Variants in ZNF268 observed in about 807,000 individuals in gnomAD.
ZNF268 encodes zinc finger protein 3.
ZNF268 carries 20 observed loss-of-function variants against 29.3 expected under a neutral mutation model. The ratio of observed to expected loss-of-function variants is 0.68; its 90% CI spans 0.48 to 0.99. The LOEUF is 0.99. ZNF268 is among the 50% of genes least tolerant of loss of function. ZNF268 has a pLI of 0.00. For synonymous variants in ZNF268, 429 were observed against 376.9 expected (o/e 1.14, Z -1.60); for missense variants, 1,240 against 1,121.6 (o/e 1.11, Z -1.51).
intron 3 of ZNF268, among the ~76,000 whole-genome samples, chr12:133,188,795 C>A (rs997735700): frequency 6.6e-6 from 1 of 152,048 alleles, no homozygotes; most frequent in Non-Finnish European, 1.5e-5. Flanking sequence ...TACTATGAAG[C>A]CTATATTCAA....
rs752486821 is a variant in ZNF268 at position 133,212,106 on chromosome 12, G to C, written c.*7576G>C. 1 of 152,184 alleles carries C rather than the reference G, an allele frequency of 6.6e-6. No homozygotes were observed. The highest frequency in any genetic ancestry group is 1.5e-5 in the Non-Finnish European group (1 of 68,032). 9.4% of individuals were successfully genotyped at this position (152,184 alleles called of 1,614,324 possible). A position where few individuals can be genotyped will look rare whatever the true frequency, so the allele number is the denominator to read the frequency against. ...GATAGGCATATTGCTAAGTGAAAGA[G>C]ACCAGTGTGAAAAGGCTGTATGATC... On this transcript the variant is annotated 3_prime_UTR_variant, in exon 6 of 6. Coordinates refer to ENST00000536435, the MANE Select transcript of ZNF268 (RefSeq NM_003415.3).
rs566604059 is a variant in ZNF268 at position 133,181,697 on chromosome 12, C to A, written c.-53+11C>A. 2.5e-6 allele frequency: 1 copy of A among 393,988 alleles called. No homozygotes were observed. The highest frequency in any genetic ancestry group is 4.6e-6 in the Non-Finnish European group (1 of 215,154). 24.4% of individuals were successfully genotyped at this position (393,988 alleles called of 1,614,324 possible). ...TTGGAGGAGCCGGAGGTGCGGAATT[C>A]CTCCGGTTTCAAGGCGGCGGGACGG... On this transcript the variant is annotated intron_variant, in intron 1 of 5. Coordinates refer to ENST00000536435, the MANE Select transcript of ZNF268 (RefSeq NM_003415.3).
At chr12:133,199,428 T>A (rs1438783149) in intron 5 of ZNF268, among the ~76,000 whole-genome samples, 1 of 150,960 alleles carries the variant, frequency 6.6e-6, no homozygotes, top group Non-Finnish European at 1.5e-5. Context: ...TGCTGCTGGA[T>A]TCGGTTTGCC....
rs746666350 is a variant in ZNF268 at position 133,210,339 on chromosome 12, TG to T, written c.*5811del. 1.2e-4 allele frequency: 19 copies of T among 160,342 alleles called. No homozygotes were observed. The highest frequency in any genetic ancestry group is 1.0e-3 in the South Asian group (6 of 5,716). The allele number at this position is 160,342 out of a possible 1,614,324, so 9.9% of individuals were successfully genotyped here. On this transcript the variant is annotated 3_prime_UTR_variant, in exon 6 of 6. Transcript: ENST00000536435. ...GAAAAGGAAGCTTTAGTCCTCACTG[TG>T]GTTGCATCCCCCACCACGGGTCAGT...
intron 5 of ZNF268, among the ~76,000 whole-genome samples, chr12:133,196,993 T>A (rs1289114197): frequency 6.6e-6 from 1 of 151,544 alleles, no homozygotes; most frequent in African/African-American, 2.4e-5. Context: ...TTTAATAAAT[T>A]TTATTTTCCA....
Position 133,212,695 on chromosome 12 carries a change from A to G in ZNF268, c.*8165A>G, listed in dbSNP as rs539932664. The G allele has an allele frequency of 6.6e-6, 1 of 151,864 alleles. No individual in the cohort carries two copies. Among genetic ancestry groups the G allele is most frequent in the Admixed American group, 6.6e-5 (1 of 15,228 alleles). The allele number at this position is 151,864 out of a possible 1,614,324, so 9.4% of individuals were successfully genotyped here. A position where few individuals can be genotyped will look rare whatever the true frequency, so the allele number is the denominator to read the frequency against. On this transcript the variant is annotated 3_prime_UTR_variant, in exon 6 of 6. Transcript: ENST00000536435. ...CCACCAGCAGTGCACAAGGCTTCCA[A>G]TTTCTCCACATACTTGCCAATATTA...
chr12:133,198,407 T>C (rs1367655243), intron 5 of ZNF268, among the ~76,000 whole-genome samples: 1 of 151,380 alleles, frequency 6.6e-6, no homozygotes, highest in East Asian at 1.9e-4. Flanking sequence ...TCTGTTTTGG[T>C]ACCAGTACCA....
rs1956558249 is a variant in ZNF268 at position 133,194,918 on chromosome 12, T to G, written c.457+2915T>G. Among the ~76,000 whole-genome samples the G allele has an allele frequency of 5.3e-5, 7 of 131,832 alleles. 1 individual carries two copies. The highest frequency in any genetic ancestry group is 5.1e-4 in the Admixed American group (7 of 13,840). 86.5% of individuals were successfully genotyped at this position (131,832 alleles called of 152,430 possible). A position where few individuals can be genotyped will look rare whatever the true frequency, so the allele number is the denominator to read the frequency against. On this transcript the variant is annotated intron_variant, in intron 5 of 5. Coordinates refer to ENST00000536435, the MANE Select transcript of ZNF268 (RefSeq NM_003415.3). ...GCAACCCATATGTTGGTTCTTGTAC[T>G]ACATTAATACAAGTCTAGGATCCTG... is the stretch of plus-strand genomic sequence containing the variant.
chr12:133,186,966 A>G (rs754033766), intron 2 of ZNF268, among the ~76,000 whole-genome samples: 8 of 152,180 alleles, frequency 5.3e-5, no homozygotes, highest in African/African-American at 9.7e-5. Flanking sequence ...CTAAGAGTAT[A>G]TATTGATCAT....
rs747001045 is a variant in ZNF268, at chr12:133,193,500, C to T, written c.457+1497C>T. On this transcript the variant is annotated intron_variant, in intron 5 of 5. Coordinates refer to ENST00000536435, the MANE Select transcript of ZNF268 (RefSeq NM_003415.3). ...TCTGGTGAGGGCCTGCTCTGTGCTT[C>T]CAAGATGACGCCTTGTTGCTGCATC... 1.6e-5 allele frequency: 11 copies of T among 698,338 alleles called. No homozygotes were observed. In the South Asian group the frequency reaches 1.6e-4, roughly 10 times the overall value. The allele number at this position is 698,338 out of a possible 1,614,324, so 43.3% of individuals were successfully genotyped here.
rs1056847021 is a variant in ZNF268, at chr12:133,181,499, G to C, written c.-240G>C. ...ATGACGCAATTCCTGTGCGACATACGTAGCGGCCGCCATTGTTCCGCGCCG... is the reference window on the plus strand; with the variant it reads ...ATGACGCAATTCCTGTGCGACATACCTAGCGGCCGCCATTGTTCCGCGCCG... On this transcript the variant is annotated 5_prime_UTR_variant, in exon 1 of 6. Coordinates refer to ENST00000536435, the MANE Select transcript of ZNF268 (RefSeq NM_003415.3). 1 of 152,916 alleles carries C rather than the reference G, an allele frequency of 6.5e-6. No individual in the cohort carries two copies. Among genetic ancestry groups the C allele is most frequent in the African/African-American group, 2.4e-5 (1 of 41,484 alleles). 9.5% of individuals were successfully genotyped at this position (152,916 alleles called of 1,614,324 possible).
intron 5 of ZNF268, among the ~76,000 whole-genome samples, chr12:133,192,878 CT>C (rs1462221595): frequency 1.3e-5 from 2 of 152,196 alleles, no homozygotes; most frequent in Non-Finnish European, 2.9e-5. Flanking sequence ...ACAGGATGGT[CT>C]CGATCTCCTG....
rs75020107 is a variant in ZNF268, at chr12:133,189,710, C to T, written c.234+1638C>T. ...TTCGTTGGCATCCTCAGTTTCCTTACTCTCTCTGTAAAAAAGGACAGTTTT... is the reference window on the plus strand; with the variant it reads ...TTCGTTGGCATCCTCAGTTTCCTTATTCTCTCTGTAAAAAAGGACAGTTTT... On this transcript the variant is annotated intron_variant, in intron 3 of 5. Transcript: ENST00000536435. Among the ~76,000 whole-genome samples, 330 of 152,324 alleles carry T rather than the reference C, an allele frequency of 2.2e-3. 1 individual carries two copies. The highest frequency in any genetic ancestry group is 3.6e-3 in the Non-Finnish European group (242 of 68,032).
chr12:133,203,392 A>C lies in ZNF268; in HGVS notation c.1706A>C (p.Tyr569Ser), dbSNP rs1346576251. 1 of 1,546,742 alleles carries C rather than the reference A, an allele frequency of 6.5e-7. No homozygotes were observed. The highest frequency in any genetic ancestry group is 1.9e-5 in the Admixed American group (1 of 51,354). ...TGTGGGAAAGCCTTCAGTCGGAAAT[A>C]CCAGCTTATTTCACACCAGAGAACT... ...HECGKAFSRK[Y>S]QLISHQRTHA... Residue 569 changes from tyrosine to serine, a missense_variant, in exon 6 of 6, where the codon TAC (tyrosine) becomes TCC (serine). Physicochemically the swap from Tyr to Ser is moderately radical, Grantham distance 144 (BLOSUM62 -2). Transcript: ENST00000536435.
intron 5 of ZNF268, chr12:133,193,608 C>G (rs757356638): frequency 3.0e-5 from 16 of 540,606 alleles, no homozygotes; most frequent in Admixed American, 6.7e-5. Flanking sequence ...TTAGAAACGA[C>G]TAATCCATTC....
At chr12:133,193,556 AAG>A (rs1956524991) in intron 5 of ZNF268, 4 of 647,110 alleles carry the variant, frequency 6.2e-6, no homozygotes, top group Middle Eastern at 2.7e-4. Context: ...GTGGGACAGA[AAG>A]AGGGGCAAAA....
In ZNF268 at chr12:133,214,614, G is replaced by A. The variant is rs1019803084; in HGVS notation, c.*10084G>A. 1.3e-5 allele frequency: 2 copies of A among 152,216 alleles called. No homozygotes were observed. Among genetic ancestry groups the A allele is most frequent in the African/African-American group, 4.8e-5 (2 of 41,438 alleles). 9.4% of individuals were successfully genotyped at this position (152,216 alleles called of 1,614,324 possible). On this transcript the variant is annotated 3_prime_UTR_variant, in exon 6 of 6. Coordinates refer to ENST00000536435, the MANE Select transcript of ZNF268 (RefSeq NM_003415.3). ...CCCAGAATGGGTAAATCCAAAGAGA[G>A]CATATTGGTGGTTGTCAAGGGTCGG...
chr12:133,191,441 C>G, intron 3 of ZNF268, 48 bp from the exon 4 acceptor site: 1 of 1,611,660 alleles, frequency 6.2e-7, no homozygotes, highest in Non-Finnish European at 8.5e-7. Flanking sequence ...TAGTTTTCCA[C>G]AAACCTAGTA....
In ZNF268 at chr12:133,209,098, C is replaced by T. The variant is rs1956945325; in HGVS notation, c.*4568C>T. On this transcript the variant is annotated 3_prime_UTR_variant, in exon 6 of 6. Coordinates refer to ENST00000536435, the MANE Select transcript of ZNF268 (RefSeq NM_003415.3). The stretch of plus-strand genomic sequence containing the variant: ...AGCTGGAATTACAGGCACACGCCAC[C>T]ACGCCCAGCTAATTTTTGTGTTTTT... 6.6e-6 allele frequency: 1 copy of T among 152,164 alleles called. No individual in the cohort carries two copies. The highest frequency in any genetic ancestry group is 1.5e-5 in the Non-Finnish European group (1 of 68,092). The allele number at this position is 152,164 out of a possible 1,614,324, so 9.4% of individuals were successfully genotyped here. A position where few individuals can be genotyped will look rare whatever the true frequency, so the allele number is the denominator to read the frequency against.
Sources: allele counts gnomAD v4.1 joint callset (sites outside exome capture counted in the v4.1 genomes callset), GRCh38; gene constraint gnomAD v4.1.1; transcripts MANE v1.5; gene names NCBI Gene and HGNC (gene_info 2026-07-23, HGNC 2026-07-21).